RGL1: variants seen among roughly 807,000 people sequenced by gnomAD.
RGL1 encodes ral guanine nucleotide dissociation stimulator like 1, also known as ral guanine nucleotide dissociation stimulator-like 1.
In RGL1, 24 loss-of-function variants were observed where a neutral mutation model predicts 95.2. The ratio of observed to expected loss-of-function variants is 0.25; its 90% confidence interval spans 0.18 to 0.35. RGL1 has a LOEUF of 0.35. Among genes scored for constraint, RGL1 ranks in the 10% least tolerant of loss-of-function variants. The probability of loss-of-function intolerance (pLI) is 1.00; values close to 1 mark genes in which losing one functional copy is unlikely to be tolerated. For missense variants in RGL1, 715 were observed against 936.3 expected, an observed-to-expected ratio of 0.76 and a Z score of 3.08; for synonymous variants, 329 against 344.9, an observed-to-expected ratio of 0.95 and a Z score of 0.51.
chr1:183,670,348 C>A (rs1652355218), intron 1 of RGL1, among the ~76,000 whole-genome samples: 1 of 152,178 alleles, frequency 6.6e-6, no homozygotes, highest in Non-Finnish European at 1.5e-5. Context: ...TTCTTAAGAA[C>A]AGAATGCTCT....
intron 4 of RGL1, among the ~76,000 whole-genome samples, chr1:183,876,636 A>G (rs1666513786): frequency 6.6e-6 from 1 of 152,262 alleles, no homozygotes; most frequent in African/African-American, 2.4e-5. Context: ...TTCAAGAATC[A>G]TCTCTTGCAG....
chr1:183,799,115 G>C (rs1660850292), intron 2 of RGL1, among the ~76,000 whole-genome samples: 1 of 151,400 alleles, frequency 6.6e-6, no homozygotes, highest in African/African-American at 2.4e-5. Context: ...TGTTAGCCAG[G>C]ATGGTCTCGA....
chr1:183,791,915 C>CA (rs754639816), intron 2 of RGL1, among the ~76,000 whole-genome samples: 2 of 152,102 alleles, frequency 1.3e-5, no homozygotes, highest in African/African-American at 2.4e-5. Context: ...TGCTTCTCTT[C>CA]AAAATAAGAA....
chr1:183,689,708 A>G (rs1004099666), intron 1 of RGL1, among the ~76,000 whole-genome samples: 2 of 152,228 alleles, frequency 1.3e-5, no homozygotes, highest in East Asian at 3.8e-4. Flanking sequence ...TGATCACTGC[A>G]TAACATAGAT....
At chr1:183,821,988 C>T (rs777416028) in intron 2 of RGL1, among the ~76,000 whole-genome samples, 36 of 151,712 alleles carry the variant, frequency 2.4e-4, no homozygotes, top group Non-Finnish European at 4.0e-4. Flanking sequence ...TGTCTTCTTC[C>T]TGCCTGACAG....
chr1:183,854,734 T>C (rs1665030754), intron 3 of RGL1, among the ~76,000 whole-genome samples: 1 of 152,196 alleles, frequency 6.6e-6, no homozygotes, highest in Non-Finnish European at 1.5e-5. Flanking sequence ...AGTCAGAAAT[T>C]TGAATTTTAT....
chr1:183,912,288 C>T lies in RGL1; in HGVS notation c.1749+20C>T. 2 of 1,601,380 alleles carry T rather than the reference C, an allele frequency of 1.2e-6. No individual in the cohort carries two copies. Among genetic ancestry groups the T allele is most frequent in the Non-Finnish European group, 1.7e-6 (2 of 1,171,318 alleles). ...AAAAAGGTATATACTCAACCCTTCT[C>T]ATAATTCCTAATGCAGGCACCTACA... On this transcript the variant is annotated intron_variant, in intron 15 of 17. Coordinates refer to ENST00000360851, the MANE Select transcript of RGL1 (RefSeq NM_001297671.3).
At chr1:183,645,698 C>T (rs1363504680) in intron 1 of RGL1, among the ~76,000 whole-genome samples, 1 of 152,204 alleles carries the variant, frequency 6.6e-6, no homozygotes, top group Non-Finnish European at 1.5e-5. Context: ...TATTGCTTTG[C>T]TATATGCCTT....
At chr1:183,704,554 T>G (rs1341092700) in intron 1 of RGL1, among the ~76,000 whole-genome samples, 7 of 152,150 alleles carry the variant, frequency 4.6e-5, no homozygotes, top group Non-Finnish European at 7.3e-5. Flanking sequence ...AAAGGAGGCA[T>G]CTGGAAGGTG....
intron 1 of RGL1, among the ~76,000 whole-genome samples, chr1:183,670,000 A>G (rs1652333342): frequency 6.6e-6 from 1 of 152,204 alleles, no homozygotes; most frequent in Non-Finnish European, 1.5e-5. Flanking sequence ...TATGGGAGCT[A>G]CAATTCAAGG....
intron 2 of RGL1, among the ~76,000 whole-genome samples, chr1:183,822,494 G>A (rs925349911): frequency 2.0e-5 from 3 of 152,126 alleles, no homozygotes; most frequent in Admixed American, 1.3e-4. Flanking sequence ...AATTGGCAGA[G>A]GAACAGGCGG....
At position 183,712,541 on chromosome 1, in the gene RGL1, G is replaced by A. The variant is rs534637968; in HGVS notation, c.-32-29585G>A. On this transcript the variant is annotated intron_variant, in intron 1 of 18. Transcript: ENST00000304685. ...TGCACACATGCACACACATTCATGT[G>A]AACAATTTCTATTCACTCACTTGTG... is the stretch of plus-strand genomic sequence containing the variant. 3.9e-5 allele frequency among the ~76,000 whole-genome samples: 6 copies of A among 152,262 alleles called. No homozygotes were observed. In the South Asian group the frequency reaches 8.3e-4, roughly 21 times the overall value.
chr1:183,833,026 A>G (rs1663368416), intron 2 of RGL1, among the ~76,000 whole-genome samples: 1 of 152,158 alleles, frequency 6.6e-6, no homozygotes, highest in African/African-American at 2.4e-5. Context: ...CCCTTTTTGT[A>G]GGAACACCTA....
chr1:183,824,638 T>C (rs768316328), intron 2 of RGL1, among the ~76,000 whole-genome samples: 1 of 152,244 alleles, frequency 6.6e-6, no homozygotes, highest in African/African-American at 2.4e-5. Flanking sequence ...CATTATACTA[T>C]TCACTTTCAT....
In RGL1 at chr1:183,792,198, T is replaced by A. The variant is rs541328406; in HGVS notation, c.133-14177T>A. On this transcript the variant is annotated intron_variant, in intron 2 of 18. Transcript: ENST00000304685. ...TTTTTTTGTTTGTTTTGCTTTACTCTGTCATTTACTTGCAACATGCTGCCT... is the reference window on the plus strand; with the variant it reads ...TTTTTTTGTTTGTTTTGCTTTACTCAGTCATTTACTTGCAACATGCTGCCT... Among the ~76,000 whole-genome samples the A allele has an allele frequency of 1.2e-4, 18 of 152,170 alleles. 1 individual carries two copies. The South Asian group carries it at 3.5e-3, about 30-fold the overall frequency.
At chr1:183,845,241 T>C (rs1293555070) in intron 2 of RGL1, among the ~76,000 whole-genome samples, 3 of 152,230 alleles carry the variant, frequency 2.0e-5, no homozygotes, top group Non-Finnish European at 4.4e-5. Context: ...CTTAGGATTA[T>C]TTTTGCTTTA....
intron 2 of RGL1, among the ~76,000 whole-genome samples, chr1:183,821,960 C>T (rs1275063202): frequency 6.6e-6 from 1 of 152,128 alleles, no homozygotes; most frequent in African/African-American, 2.4e-5. Flanking sequence ...AGACTGTATT[C>T]TAATCTAGAA....
chr1:183,801,639 C>T (rs1660998828), upstream of RGL1, among the ~76,000 whole-genome samples: 1 of 152,140 alleles, frequency 6.6e-6, no homozygotes, highest in Non-Finnish European at 1.5e-5. Context: ...TAAAGGAATA[C>T]CTGAGAGCAG....
Position 183,908,117 on chromosome 1 carries a change from A to G in RGL1, c.1562+1016A>G, listed in dbSNP as rs1163786483. Among the ~76,000 whole-genome samples the G allele has an allele frequency of 2.0e-5, 3 of 152,238 alleles. No homozygotes were observed. The East Asian group carries it at 5.8e-4, about 29-fold the overall frequency. ...GCTCTCAATATGTGCCTGAAAAACCACCATTATTTTTAATGAAATGAATCA... is the reference window on the plus strand; with the variant it reads ...GCTCTCAATATGTGCCTGAAAAACCGCCATTATTTTTAATGAAATGAATCA... On this transcript the variant is annotated intron_variant, in intron 14 of 17. Transcript: ENST00000360851.
Sources: gnomAD v4.1 joint callset for allele counts (sites outside exome capture counted in the v4.1 genomes callset) on GRCh38, gnomAD v4.1.1 for gene constraint, MANE v1.5 for transcripts, NCBI Gene and HGNC (gene_info 2026-07-23, HGNC 2026-07-21) for gene names.